CTNNAL1: variants seen among roughly 807,000 people sequenced by gnomAD.
CTNNAL1 encodes alpha-catulin.
A neutral mutation model predicts 93.6 loss-of-function variants in CTNNAL1; 69 were observed. That is an observed-to-expected ratio of 0.74 (90% CI 0.61 to 0.90). The LOEUF is 0.90. CTNNAL1 is among the 40% of genes least tolerant of loss of function. The probability of loss-of-function intolerance (pLI) is 0.00; values close to 1 mark genes in which losing one functional copy is unlikely to be tolerated. For synonymous variants in CTNNAL1, 286 were observed against 305.4 expected (o/e 0.94, Z 0.66); for missense variants, 836 against 862.0 (o/e 0.97, Z 0.38).
At chr9:109,011,796 C>T (rs1564156491) in intron 1 of CTNNAL1, among the ~76,000 whole-genome samples, 1 of 152,212 alleles carries the variant, frequency 6.6e-6, no homozygotes, top group East Asian at 1.9e-4. Flanking sequence ...ACCAACTTCA[C>T]ATGATTGTTA....
Position 108,992,690 on chromosome 9 carries a change from T to G in CTNNAL1, c.461A>C (p.Lys154Thr). 1 of 1,613,966 alleles carries G rather than the reference T, an allele frequency of 6.2e-7. No individual in the cohort carries two copies. The highest frequency in any genetic ancestry group is 8.5e-7 in the Non-Finnish European group (1 of 1,179,924). The stretch of plus-strand genomic sequence containing the variant: ...TACTCGGTCTGCCAGCAACAACACT[T>G]TTGTCACTGAAGAAAGAAGTAATCT... ...AARLLLSSVT[K>T]VLLLADRVVI... Residue 154 changes from lysine to threonine, a missense_variant, in exon 3 of 19, where the codon AAA becomes ACA. Transcript: ENST00000325551.
At position 108,948,259 on chromosome 9, in the gene CTNNAL1, A is replaced by C. The variant is rs1484007017; in HGVS notation, c.1836-25T>G. 3 of 1,602,452 alleles carry C rather than the reference A, an allele frequency of 1.9e-6. No homozygotes were observed. In the South Asian group the frequency reaches 3.4e-5, roughly 18 times the overall value. Reference sequence around the variant, plus strand: ...TCTAAAATAAAATTAATTGTTAAGAAGGTAACAAAAAGTTATTACCTGAAA... The same window carrying C: ...TCTAAAATAAAATTAATTGTTAAGACGGTAACAAAAAGTTATTACCTGAAA... On this transcript the variant is annotated intron_variant, in intron 14 of 18. Coordinates refer to ENST00000325551, the MANE Select transcript of CTNNAL1 (RefSeq NM_003798.4).
chr9:108,959,312 C>T (rs1165401142), intron 11 of CTNNAL1, among the ~76,000 whole-genome samples: 2 of 139,260 alleles, frequency 1.4e-5, no homozygotes, highest in East Asian at 4.3e-4. Context: ...TTGCAGTGAG[C>T]TGAGATCACG....
intron 1 of CTNNAL1, among the ~76,000 whole-genome samples, chr9:109,002,787 C>T (rs1826883732): frequency 6.6e-6 from 1 of 151,324 alleles, no homozygotes; most frequent in Non-Finnish European, 1.5e-5. Context: ...AGTTCGAGAC[C>T]AGCCTGACCA....
intron 3 of CTNNAL1, chr9:108,992,022 C>G (rs767974218): frequency 2.6e-6 from 2 of 755,628 alleles, no homozygotes; most frequent in Admixed American, 3.6e-5. Context: ...GGATAATTAT[C>G]ATTTCCACTG....
intron 7 of CTNNAL1, among the ~76,000 whole-genome samples, chr9:108,978,041 T>C (rs1831312223): frequency 6.6e-6 from 1 of 152,204 alleles, no homozygotes; most frequent in African/African-American, 2.4e-5. Context: ...TGAGTGCTTG[T>C]GAAATATGCA....
chr9:108,992,713 T>A lies in CTNNAL1; in HGVS notation c.438A>T (p.Arg146Ser). ...CTTTTGTCACTGAAGAAAGAAGTAA[T>A]CTTGCAGCCTTTATCACTCCTGTTT... ...TDKTGVIKAA[R>S]LLLSSVTKVL... Residue 146 changes from arginine to serine, a missense_variant, in exon 3 of 19, where the codon AGA (arginine) becomes AGT (serine). Coordinates refer to ENST00000325551, the MANE Select transcript of CTNNAL1 (RefSeq NM_003798.4). 6.2e-7 allele frequency: 1 copy of A among 1,614,060 alleles called. No homozygotes were observed. Among genetic ancestry groups the A allele is most frequent in the Non-Finnish European group, 8.5e-7 (1 of 1,179,962 alleles).
intron 8 of CTNNAL1, among the ~76,000 whole-genome samples, chr9:108,974,838 T>A (rs1032141808): frequency 6.6e-5 from 10 of 152,162 alleles, no homozygotes; most frequent in Non-Finnish European, 1.5e-5. Flanking sequence ...AAAATTTTTT[T>A]AAAATTCTAA....
At chr9:109,009,271 C>T (rs986136195) in intron 1 of CTNNAL1, among the ~76,000 whole-genome samples, 8 of 149,868 alleles carry the variant, frequency 5.3e-5, no homozygotes, top group African/African-American at 2.0e-4. Flanking sequence ...ACTAACAAAT[C>T]CTTTCCCAGC....
chr9:108,976,998 C>T lies in CTNNAL1; in HGVS notation c.1152G>A (p.Leu384=). ...SIAEELELSI[L]KISHSLNELK... ...GTTCATTAAGACTGTGACTGATTTT[C>T]AAAATACTGAGTTCCAGTTCTTCAG... The change falls in exon 8 of 19, where the codon TTG becomes TTA. Residue 384 remains leucine (L), a synonymous_variant. Transcript: ENST00000325551. The T allele has an allele frequency of 1.3e-6, 2 of 1,529,368 alleles. No individual in the cohort carries two copies. The highest frequency in any genetic ancestry group is 1.8e-6 in the Non-Finnish European group (2 of 1,140,810). 94.7% of individuals were successfully genotyped at this position (1,529,368 alleles called of 1,614,324 possible).
At chr9:108,955,511 T>C (rs1029227716) in intron 12 of CTNNAL1, among the ~76,000 whole-genome samples, 1 of 152,222 alleles carries the variant, frequency 6.6e-6, no homozygotes, top group African/African-American at 2.4e-5. Flanking sequence ...TATGGCTTAT[T>C]TATTTATTTT....
intron 9 of CTNNAL1, among the ~76,000 whole-genome samples, chr9:108,971,989 C>T (rs1475263558): frequency 6.6e-6 from 1 of 152,172 alleles, no homozygotes; most frequent in African/African-American, 2.4e-5. Flanking sequence ...ATATTGTCTA[C>T]ACCTATGTTT....
Position 108,983,129 on chromosome 9 carries a change from C to T in CTNNAL1, c.900+16G>A, listed in dbSNP as rs778281057. ...ATAAGAAGAGAAAAATAAAAATATA[C>T]TCTCTTTATTCTTACCTTGAATTCC... On this transcript the variant is annotated intron_variant, in intron 6 of 18. Coordinates refer to ENST00000325551, the MANE Select transcript of CTNNAL1 (RefSeq NM_003798.4). The T allele has an allele frequency of 6.2e-5, 87 of 1,409,158 alleles. No homozygotes were observed. Among genetic ancestry groups the T allele is most frequent in the African/African-American group, 1.0e-4 (7 of 67,002 alleles). 87.3% of individuals were successfully genotyped at this position (1,409,158 alleles called of 1,614,324 possible).
At position 108,952,355 on chromosome 9, in the gene CTNNAL1, G is replaced by C. The variant is rs1184885624; in HGVS notation, c.1689C>G (p.Ala563=). The part of the protein sequence containing the change: ...KPDKPDSEEQ[A]KIAKLGLKLG... The stretch of plus-strand genomic sequence containing the variant: ...GCTTAAGTCCAAGCTTTGCTATCTT[G>C]GCTTGCTCCTATGAAACAGACGTTT... The change falls in exon 14 of 19, where the codon GCC becomes GCG. Residue 563 remains alanine (A), a synonymous_variant. Coordinates refer to ENST00000325551, the MANE Select transcript of CTNNAL1 (RefSeq NM_003798.4). The C allele has an allele frequency of 6.2e-7, 1 of 1,614,108 alleles. No homozygotes were observed. Among genetic ancestry groups the C allele is most frequent in the Admixed American group, 1.7e-5 (1 of 60,014 alleles).
At chr9:109,012,831 TA>T (rs1389509020) in intron 1 of CTNNAL1, among the ~76,000 whole-genome samples, 4 of 152,078 alleles carry the variant, frequency 2.6e-5, no homozygotes, top group African/African-American at 9.7e-5. Flanking sequence ...CCGGGAGGAA[TA>T]CCCCAGGCGG....
At chr9:108,990,631 A>C in intron 4 of CTNNAL1, 95 bp downstream of exon 4, 2 of 1,444,818 alleles carry the variant, frequency 1.4e-6, no homozygotes, top group East Asian at 4.9e-5. Context: ...TTAATAAGCA[A>C]AGAAACCAGT....
rs72043132 is a variant in CTNNAL1, at chr9:109,011,371, G to GA, written c.141+1930dup. ...CTGAACAAGGCTTTAACTGGAAAAAGAAAAAAAAAAAAAGGCAGGCATTCT... is the reference window on the plus strand; with the variant it reads ...CTGAACAAGGCTTTAACTGGAAAAAGAAAAAAAAAAAAAAGGCAGGCATTCT... On this transcript the variant is annotated intron_variant, in intron 1 of 18. Transcript: ENST00000325551. Among the ~76,000 whole-genome samples the GA allele has an allele frequency of 3.1e-3, 430 of 136,914 alleles. 2 individuals carry two copies. The highest frequency in any genetic ancestry group is 0.012 in the East Asian group (56 of 4,606). The allele number at this position is 136,914 out of a possible 152,430, so 89.8% of individuals were successfully genotyped here.
At chr9:108,962,134 G>A (rs1324101103) in intron 11 of CTNNAL1, among the ~76,000 whole-genome samples, 2 of 152,114 alleles carry the variant, frequency 1.3e-5, no homozygotes, top group Non-Finnish European at 2.9e-5. Flanking sequence ...GGGATACTTC[G>A]AGCCTCAGTT....
chr9:108,949,982 C>T (rs1830512710), intron 14 of CTNNAL1, among the ~76,000 whole-genome samples: 1 of 150,142 alleles, frequency 6.7e-6, no homozygotes, highest in Admixed American at 6.6e-5. Flanking sequence ...CGAGATCATG[C>T]CACTGCACTC....
Sources: gnomAD v4.1 joint callset for allele counts (sites outside exome capture counted in the v4.1 genomes callset) on GRCh38, gnomAD v4.1.1 for gene constraint, MANE v1.5 for transcripts, NCBI Gene and HGNC (gene_info 2026-07-23, HGNC 2026-07-21) for gene names.